USP3: variants seen among roughly 807,000 people sequenced by gnomAD.
The protein encoded by USP3 is ubiquitin specific peptidase 3, also known as ubiquitin carboxyl-terminal hydrolase 3.
In USP3, 20 loss-of-function variants were observed where a neutral mutation model predicts 72.3. The observed-to-expected ratio is 0.28, with a 90% CI of 0.19 to 0.40. The LOEUF is 0.40. Among genes scored for constraint, USP3 ranks in the 10% least tolerant of loss-of-function variants. USP3 has a pLI of 1.00. For synonymous variants in USP3, 222 were observed against 225.3 expected (o/e 0.99, Z 0.13); for missense variants, 479 against 633.9 (o/e 0.76, Z 2.62).
At chr15:63,523,407 T>G (rs1035540962) in intron 1 of USP3, among the ~76,000 whole-genome samples, 6 of 152,224 alleles carry the variant, frequency 3.9e-5, no homozygotes, top group Non-Finnish European at 7.3e-5. Context: ...AGACAGTTGG[T>G]TCTGAAGCCC....
At chr15:63,559,757 G>A in intron 6 of USP3, 100 bp from the exon 7 acceptor site, 1 of 968,550 alleles carries the variant, frequency 1.0e-6, no homozygotes, top group Non-Finnish European at 1.5e-6. Context: ...TGAGACAATT[G>A]AAAAATGGCA....
chr15:63,541,189 AAT>A, intron 3 of USP3, among the ~76,000 whole-genome samples: 1 of 152,190 alleles, frequency 6.6e-6, no homozygotes, highest in South Asian at 2.1e-4. Flanking sequence ...CAGGGCAGGT[AAT>A]GTTTTAAAGC....
At chr15:63,584,716 C>G (rs1006460277) in intron 11 of USP3, among the ~76,000 whole-genome samples, 2 of 152,274 alleles carry the variant, frequency 1.3e-5, no homozygotes, top group African/African-American at 4.8e-5. Context: ...TTCTCCCATT[C>G]TGTGGTTCTC....
In USP3 at chr15:63,544,033, G is replaced by A. The variant is rs1484640563; in HGVS notation, c.284+6877G>A. Among the ~76,000 whole-genome samples, 1 of 145,450 alleles carries A rather than the reference G, an allele frequency of 6.9e-6. No homozygotes were observed. The highest frequency in any genetic ancestry group is 2.6e-5 in the African/African-American group (1 of 39,094). ...GAGACCAGCCTGGGCAACACAGGGA[G>A]ACACTGTCTTTAAAAAAAAAAAAAA... On this transcript the variant is annotated intron_variant, in intron 3 of 14. Transcript: ENST00000380324. The surrounding 1 kb of genome is among the most constrained non-coding windows in gnomAD (Gnocchi z 4.2).
At position 63,590,823 on chromosome 15, in the gene USP3, T is replaced by G; in HGVS notation, c.1560T>G (p.Leu520=). Reference sequence around the variant, plus strand: ...AGGCCAAAGCTGGATCGGATAAACTTTAATACCTCCTCCAAATCATCATTC... The same window carrying G: ...AGGCCAAAGCTGGATCGGATAAACTGTAATACCTCCTCCAAATCATCATTC... ...EHQAKAGSDK[L] The change falls in exon 15 of 15, where the codon CTT becomes CTG. Residue 520 remains leucine, a synonymous_variant. Coordinates refer to ENST00000380324, the MANE Select transcript of USP3 (RefSeq NM_006537.4). 1.2e-6 allele frequency: 2 copies of G among 1,608,576 alleles called. No individual in the cohort carries two copies. Among genetic ancestry groups the G allele is most frequent in the Non-Finnish European group, 1.7e-6 (2 of 1,177,844 alleles).
intron 9 of USP3, among the ~76,000 whole-genome samples, chr15:63,571,241 C>T (rs1400758349): frequency 6.6e-6 from 1 of 152,174 alleles, no homozygotes; most frequent in Non-Finnish European, 1.5e-5. Context: ...TGAAAAGTTT[C>T]ATCAGTATTG....
At chr15:63,562,605 C>T (rs558773245) in intron 7 of USP3, among the ~76,000 whole-genome samples, 2 of 152,322 alleles carry the variant, frequency 1.3e-5, no homozygotes, top group African/African-American at 2.4e-5. Flanking sequence ...CTATAACTCA[C>T]CCAGTGCTGT....
chr15:63,545,292 A>G (rs62011334), intron 3 of USP3, among the ~76,000 whole-genome samples: 39,455 of 152,080 alleles, frequency 0.26, 6,190 homozygotes, highest in Middle Eastern at 0.39. Context: ...CGGTAGTAAA[A>G]TCAGTTGTAT....
In USP3 at chr15:63,560,137, C is replaced by T. The variant is rs577627233; in HGVS notation, c.647+167C>T. Among the ~76,000 whole-genome samples, 16 of 152,128 alleles carry T rather than the reference C, an allele frequency of 1.1e-4. No individual in the cohort carries two copies. In the South Asian group the frequency reaches 1.9e-3, roughly 18 times the overall value. On this transcript the variant is annotated intron_variant, in intron 7 of 14. Coordinates refer to ENST00000380324, the MANE Select transcript of USP3 (RefSeq NM_006537.4). ...GCAATCTTAATAATTGTTGGAATTC[C>T]GGCCGGGTGTGGTGGCTCACGCCTG...
intron 8 of USP3, 128 bp downstream of exon 8, chr15:63,563,136 T>A (rs962208372): frequency 1.7e-6 from 1 of 603,242 alleles, no homozygotes; most frequent in Admixed American, 4.1e-5. Flanking sequence ...TGTTTTTTTC[T>A]TTTTAAGAAG....
chr15:63,521,013 C>T (rs1244924432), intron 1 of USP3, among the ~76,000 whole-genome samples: 1 of 152,126 alleles, frequency 6.6e-6, no homozygotes, highest in African/African-American at 2.4e-5. Context: ...CTCCTACCCA[C>T]CCCCTGTAGA....
chr15:63,541,426 C>T (rs375846393), intron 3 of USP3, among the ~76,000 whole-genome samples: 52 of 152,058 alleles, frequency 3.4e-4, no homozygotes, highest in African/African-American at 1.1e-3. Flanking sequence ...ACGATTTGGA[C>T]GCAAATTTTC....
intron 2 of USP3, among the ~76,000 whole-genome samples, chr15:63,534,127 A>G (rs1481013949): frequency 6.6e-6 from 1 of 152,188 alleles, no homozygotes; most frequent in Non-Finnish European, 1.5e-5. Flanking sequence ...ACTGTTGTCA[A>G]TTGCAAACAA....
chr15:63,519,863 T>C (rs189757172), intron 1 of USP3, among the ~76,000 whole-genome samples: 2 of 138,938 alleles, frequency 1.4e-5, no homozygotes, highest in Admixed American at 1.4e-4. Context: ...AAGCACTCGG[T>C]TTTTTTTTAT....
At chr15:63,519,837 GCTTA>G (rs1459602961) in intron 1 of USP3, among the ~76,000 whole-genome samples, 2 of 151,936 alleles carry the variant, frequency 1.3e-5, no homozygotes, top group Non-Finnish European at 2.9e-5. Flanking sequence ...CTATTAATTT[GCTTA>G]CTTATCTTAA....
intron 1 of USP3, among the ~76,000 whole-genome samples, chr15:63,517,505 A>C (rs2065867109): frequency 6.6e-6 from 1 of 152,190 alleles, no homozygotes; most frequent in African/African-American, 2.4e-5. Context: ...TTCATATAAC[A>C]GTGAACTTTT....
Position 63,504,702 on chromosome 15 carries a change from C to T in USP3, c.-38C>T. ...TCCTCCGCCCCCACCTCGCCGGGTC[C>T]TGGAGCCGCAGTCCTCCCAGCTGCC... On this transcript the variant is annotated 5_prime_UTR_variant, in exon 1 of 15. Transcript: ENST00000380324. 1.9e-6 allele frequency: 3 copies of T among 1,547,072 alleles called. No individual in the cohort carries two copies. Among genetic ancestry groups the T allele is most frequent in the Non-Finnish European group, 2.6e-6 (3 of 1,142,790 alleles).
intron 11 of USP3, among the ~76,000 whole-genome samples, chr15:63,579,197 C>T (rs2066913611): frequency 6.6e-6 from 1 of 152,084 alleles, no homozygotes; most frequent in African/African-American, 2.4e-5. Flanking sequence ...TAAAAAGAGC[C>T]ACATCATATT....
At chr15:63,561,561 GCCCC>G (rs1035978567) in intron 7 of USP3, among the ~76,000 whole-genome samples, 1 of 152,232 alleles carries the variant, frequency 6.6e-6, no homozygotes, top group South Asian at 2.1e-4. Flanking sequence ...GGTGCTCTTT[GCCCC>G]CCCTGCTACC....
Sources: gnomAD v4.1 joint callset for allele counts (sites outside exome capture counted in the v4.1 genomes callset) on GRCh38, gnomAD v4.1.1 for gene constraint, Gnocchi (gnomAD v3.1) non-coding constraint, MANE v1.5 for transcripts, NCBI Gene and HGNC (gene_info 2026-07-23, HGNC 2026-07-21) for gene names.